The following TMCO1 variants were observed in gnomAD, a reference collection of about 807,000 sequenced individuals.
TMCO1 encodes calcium load-activated calcium channel.
TMCO1 carries 29 observed loss-of-function variants against 29.3 expected under a neutral mutation model. The ratio of observed to expected loss-of-function variants is 0.99; its 90% CI spans 0.74 to 1.35. The LOEUF (loss-of-function observed/expected upper bound fraction) is 1.35. Among genes scored for constraint, TMCO1 ranks in the 40% most tolerant of loss-of-function variants. The pLI is 0.00. For missense variants in TMCO1, 173 were observed against 225.5 expected (o/e 0.77, Z 1.49); for synonymous variants, 80 against 77.1 (o/e 1.04, Z -0.20).
In TMCO1 at chr1:165,727,635, G is replaced by T. The variant is rs1650957975; in HGVS notation, c.*388C>A. On this transcript the variant is annotated 3_prime_UTR_variant, in exon 7 of 7. Coordinates refer to ENST00000367881, the MANE Select transcript of TMCO1 (RefSeq NM_019026.6). ...AACAACAAAACAAACAGTTACAAGG[G>T]TTAAACAAACTAAATTTTTCTTCTA... 2 of 453,548 alleles carry T rather than the reference G, an allele frequency of 4.4e-6. No homozygotes were observed. Among genetic ancestry groups the T allele is most frequent in the South Asian group, 3.1e-5 (2 of 64,454 alleles). 28.1% of individuals were successfully genotyped at this position (453,548 alleles called of 1,614,324 possible). A position where few individuals can be genotyped will look rare whatever the true frequency, so the allele number is the denominator to read the frequency against.
intron 5 of TMCO1, among the ~76,000 whole-genome samples, chr1:165,746,257 C>T (rs911962796): frequency 3.4e-5 from 5 of 148,180 alleles, no homozygotes; most frequent in East Asian, 2.0e-4. Context: ...CGTAGTGAGC[C>T]GAGATTGTGC....
intron 3 of TMCO1, among the ~76,000 whole-genome samples, chr1:165,755,218 T>C (rs1020014023): frequency 6.6e-6 from 1 of 152,212 alleles, no homozygotes; most frequent in Non-Finnish European, 1.5e-5. Flanking sequence ...ACATTTCTTG[T>C]GGCTATTGGA....
At chr1:165,725,688 C>T (rs1297238383), downstream of TMCO1, 3 of 454,032 alleles carry the variant, frequency 6.6e-6, no homozygotes, top group South Asian at 3.1e-5. Flanking sequence ...AGAGTGTCAT[C>T]CAAATAACTA....
chr1:165,753,502 T>G (rs1178358777), intron 4 of TMCO1, among the ~76,000 whole-genome samples: 1 of 147,074 alleles, frequency 6.8e-6, no homozygotes, highest in East Asian at 2.0e-4. Flanking sequence ...AAAAAAGACT[T>G]GGCAGGGTGC....
At chr1:165,733,885 T>C (rs566200334) in intron 6 of TMCO1, among the ~76,000 whole-genome samples, 1 of 152,368 alleles carries the variant, frequency 6.6e-6, no homozygotes, top group African/African-American at 2.4e-5. Context: ...ATTTGTGTTC[T>C]TTCCTCTTTA....
chr1:165,758,666 G>T (rs1652285836), intron 3 of TMCO1, among the ~76,000 whole-genome samples: 1 of 152,096 alleles, frequency 6.6e-6, no homozygotes, highest in African/African-American at 2.4e-5. Flanking sequence ...TCTCTAAATA[G>T]AGCTCATAAA....
chr1:165,737,517 C>G (rs745622263), intron 6 of TMCO1, among the ~76,000 whole-genome samples: 3 of 152,002 alleles, frequency 2.0e-5, no homozygotes, highest in Non-Finnish European at 4.4e-5. Context: ...TAAGTCCTAG[C>G]AGGAAAAACT....
At chr1:165,756,328 AC>A (rs1018241267) in intron 3 of TMCO1, among the ~76,000 whole-genome samples, 64 of 152,254 alleles carry the variant, frequency 4.2e-4, no homozygotes, top group African/African-American at 1.4e-3. Context: ...GTGAAGTCTT[AC>A]AGTGAAGATC....
downstream of TMCO1, chr1:165,726,395 C>T: frequency 1.6e-6 from 1 of 640,706 alleles, no homozygotes; most frequent in East Asian, 3.0e-5. Flanking sequence ...AGAGAGCTCA[C>T]ACACTCTAGT....
At chr1:165,759,894 A>G (rs1205160929) in intron 2 of TMCO1, among the ~76,000 whole-genome samples, 1 of 152,180 alleles carries the variant, frequency 6.6e-6, no homozygotes, top group Non-Finnish European at 1.5e-5. Flanking sequence ...TCAAAGCACA[A>G]TTTTCAAATT....
intron 5 of TMCO1, among the ~76,000 whole-genome samples, chr1:165,751,220 A>G (rs1226188712): frequency 6.6e-6 from 1 of 152,206 alleles, no homozygotes; most frequent in African/African-American, 2.4e-5. Flanking sequence ...TTAAGACTCT[A>G]TTTTAAGAAG....
intron 2 of TMCO1, among the ~76,000 whole-genome samples, chr1:165,763,719 G>A (rs1018526828): frequency 1.3e-5 from 2 of 152,170 alleles, no homozygotes; most frequent in Non-Finnish European, 2.9e-5. Context: ...CCCGCCTCCT[G>A]AGCTCAAGCA....
At chr1:165,729,103 TAAAAA>T (rs553390393) in intron 6 of TMCO1, among the ~76,000 whole-genome samples, 1,447 of 76,388 alleles carry the variant, frequency 0.019, 36 homozygotes, top group African/African-American at 0.071. Flanking sequence ...AGATTCTGTC[TAAAAA>T]AAAAAAAAAA....
chr1:165,752,474 C>G (rs1164760727), intron 4 of TMCO1, among the ~76,000 whole-genome samples: 1 of 151,690 alleles, frequency 6.6e-6, no homozygotes, highest in Non-Finnish European at 1.5e-5. Context: ...CCAGGATGGT[C>G]TCAATCCCCT....
intron 2 of TMCO1, among the ~76,000 whole-genome samples, chr1:165,761,601 A>G (rs1488623917): frequency 1.3e-5 from 2 of 152,104 alleles, no homozygotes; most frequent in African/African-American, 4.8e-5. Flanking sequence ...TGAACATACT[A>G]GTGAGAGATC....
At position 165,759,528 on chromosome 1, in the gene TMCO1, TTTTC is replaced by T. The variant is rs768701358; in HGVS notation, c.201_204del (p.Lys68Ter). Reference sequence around the variant, plus strand: ...TTTGACTAATATCTCATCTTACCTATTTTCTTTTTCTGTTGTCGACCAGCTGACT... The same window carrying T: ...TTTGACTAATATCTCATCTTACCTATTTTTTCTGTTGTCGACCAGCTGACT... On this transcript the variant is annotated frameshift_variant, in exon 3 of 7. Transcript: ENST00000367881. LOFTEE classifies it high-confidence loss of function. 1 of 1,611,532 alleles carries T rather than the reference TTTTC, an allele frequency of 6.2e-7. No homozygotes were observed. The highest frequency in any genetic ancestry group is 8.5e-7 in the Non-Finnish European group (1 of 1,178,466).
At chr1:165,725,109 A>T (rs932555328), downstream of TMCO1, 135 of 405,996 alleles carry the variant, frequency 3.3e-4, 1 homozygote, top group Non-Finnish European at 5.7e-4. Flanking sequence ...TTTTTTAAAA[A>T]CTCAAACTAG....
At chr1:165,767,627 G>A (rs543326356) in intron 2 of TMCO1, among the ~76,000 whole-genome samples, 1 of 152,208 alleles carries the variant, frequency 6.6e-6, no homozygotes, top group South Asian at 2.1e-4. Flanking sequence ...ACAAGGAACT[G>A]CAAGGCCATC....
chr1:165,746,803 A>G (rs995359409), intron 5 of TMCO1, among the ~76,000 whole-genome samples: 26 of 152,308 alleles, frequency 1.7e-4, no homozygotes, highest in African/African-American at 5.8e-4. Flanking sequence ...ATAGAACTAG[A>G]GAACAGTGAT....
Sources: allele counts gnomAD v4.1 joint callset (sites outside exome capture counted in the v4.1 genomes callset), GRCh38; gene constraint gnomAD v4.1.1; transcripts MANE v1.5; gene names NCBI Gene and HGNC (gene_info 2026-07-23, HGNC 2026-07-21).